DCLK2: variants seen among roughly 807,000 people sequenced by gnomAD.
The protein encoded by DCLK2 is serine/threonine-protein kinase DCLK2.
A neutral mutation model predicts 78.4 loss-of-function variants in DCLK2; 31 were observed. That is an observed-to-expected ratio of 0.40 (90% CI 0.30 to 0.53). The LOEUF is 0.53. Ranked by LOEUF, DCLK2 falls within the 20% of genes least tolerant of loss-of-function variation. DCLK2 has a pLI of 0.61. For synonymous variants in DCLK2, 407 were observed against 374.9 expected (o/e 1.09, Z -0.99); for missense variants, 872 against 973.7 (o/e 0.90, Z 1.39).
At chr4:150,218,722 G>A (rs922596614) in intron 5 of DCLK2, among the ~76,000 whole-genome samples, 1 of 152,156 alleles carries the variant, frequency 6.6e-6, no homozygotes, top group African/African-American at 2.4e-5. Context: ...GTGGGGCTGC[G>A]TTGCCCTGGG....
At chr4:150,216,328 TTTCAAG>T (rs1356457891) in intron 5 of DCLK2, among the ~76,000 whole-genome samples, 2 of 152,212 alleles carry the variant, frequency 1.3e-5, no homozygotes, top group African/African-American at 4.8e-5. Flanking sequence ...TCTGCTCTGT[TTTCAAG>T]TCTTTTTTAA....
At chr4:150,136,979 C>T (rs78964082) in intron 2 of DCLK2, among the ~76,000 whole-genome samples, 67 of 82,404 alleles carry the variant, frequency 8.1e-4, no homozygotes, top group African/African-American at 2.1e-3. Flanking sequence ...TCTTCTTCTT[C>T]TTTTTTTTTT....
At chr4:150,220,420 T>C (rs2126526733) in intron 5 of DCLK2, among the ~76,000 whole-genome samples, 1 of 152,334 alleles carries the variant, frequency 6.6e-6, no homozygotes, top group South Asian at 2.1e-4. Flanking sequence ...CCAGCTATCA[T>C]GCCATAGAGT....
At chr4:150,107,505 T>C (rs1731352058) in intron 2 of DCLK2, among the ~76,000 whole-genome samples, 1 of 151,418 alleles carries the variant, frequency 6.6e-6, no homozygotes, top group Non-Finnish European at 1.5e-5. Flanking sequence ...AGTTCCTGAG[T>C]AGCTGGGACT....
At chr4:150,091,012 T>A (rs28504590) in intron 1 of DCLK2, among the ~76,000 whole-genome samples, 57,582 of 152,068 alleles carry the variant, frequency 0.38, 11,144 homozygotes, top group Non-Finnish European at 0.42. Flanking sequence ...GTGCACTTTG[T>A]GTTAGTCTGC....
At chr4:150,125,890 CAAAA>C (rs1013102160) in intron 2 of DCLK2, among the ~76,000 whole-genome samples, 1 of 148,974 alleles carries the variant, frequency 6.7e-6, no homozygotes, top group African/African-American at 2.5e-5. Flanking sequence ...AATTTTGTCT[CAAAA>C]AAAAACCACA....
At position 150,078,768 on chromosome 4, in the gene DCLK2, C is replaced by G. The variant is rs2150123046; in HGVS notation, c.-260C>G. On this transcript the variant is annotated 5_prime_UTR_variant, in exon 1 of 16. Transcript: ENST00000296550. Reference sequence around the variant, plus strand: ...GAGGCGCTTGCGGGGGCGTGGGGCTCCCCGGCAGGCGGGAGGCACGGAGCA... The same window carrying G: ...GAGGCGCTTGCGGGGGCGTGGGGCTGCCCGGCAGGCGGGAGGCACGGAGCA... The G allele has an allele frequency of 2.9e-6, 1 of 340,114 alleles. No individual in the cohort carries two copies. The highest frequency in any genetic ancestry group is 5.2e-6 in the Non-Finnish European group (1 of 191,182). 21.1% of individuals were successfully genotyped at this position (340,114 alleles called of 1,614,324 possible). A position where few individuals can be genotyped will look rare whatever the true frequency, so the allele number is the denominator to read the frequency against.
At chr4:150,253,667 G>C in intron 15 of DCLK2, 20 of 1,245,112 alleles carry the variant, frequency 1.6e-5, no homozygotes, top group Non-Finnish European at 2.1e-5. Context: ...GCTTACTGGT[G>C]TGGGTCTTTT....
chr4:150,079,806 T>G (rs1037801985), intron 1 of DCLK2, among the ~76,000 whole-genome samples: 1 of 152,228 alleles, frequency 6.6e-6, no homozygotes, highest in Non-Finnish European at 1.5e-5. Context: ...TAATAAGCTC[T>G]GTTGGACCCT....
intron 2 of DCLK2, among the ~76,000 whole-genome samples, chr4:150,112,448 C>G (rs2150168798): frequency 6.6e-6 from 1 of 152,258 alleles, no homozygotes; most frequent in East Asian, 1.9e-4. Flanking sequence ...GCTAGGACTT[C>G]CAGTAACTGT....
intron 15 of DCLK2, among the ~76,000 whole-genome samples, chr4:150,254,096 C>T (rs1326014076): frequency 6.6e-6 from 1 of 152,212 alleles, no homozygotes; most frequent in Admixed American, 6.5e-5. Context: ...GCAGGACGGC[C>T]TCCCATGTAC....
At chr4:150,222,759 G>A (rs1170518815) in intron 7 of DCLK2, among the ~76,000 whole-genome samples, 1 of 151,748 alleles carries the variant, frequency 6.6e-6, no homozygotes, top group African/African-American at 2.4e-5. Flanking sequence ...CCAGCTACTC[G>A]GGAAGCTGAG....
At chr4:150,252,622 G>C (rs1277538574) in intron 15 of DCLK2, among the ~76,000 whole-genome samples, 2 of 152,196 alleles carry the variant, frequency 1.3e-5, no homozygotes, top group Admixed American at 6.5e-5. Flanking sequence ...TATGTCGTGT[G>C]GTTTACAAAT....
intron 7 of DCLK2, 73 bp from the exon 8 acceptor site, chr4:150,224,427 TA>T: frequency 1.4e-6 from 2 of 1,402,308 alleles, no homozygotes; most frequent in Non-Finnish European, 1.9e-6. Context: ...AATTAAAGTA[TA>T]AAAAAGAAAG....
At chr4:150,255,904 A>C in intron 15 of DCLK2, 116 bp from the exon 16 acceptor site, 2 of 1,451,132 alleles carry the variant, frequency 1.4e-6, no homozygotes, top group Non-Finnish European at 1.8e-6. Context: ...GCTTGGCGTT[A>C]TTTCTCCTCT....
chr4:150,202,668 A>T (rs2126446273), intron 4 of DCLK2, among the ~76,000 whole-genome samples: 1 of 152,272 alleles, frequency 6.6e-6, no homozygotes, highest in Middle Eastern at 3.4e-3. Context: ...TCGCTCTCTC[A>T]TCTTTTCTTT....
At chr4:150,180,254 T>G (rs1344476558) in intron 2 of DCLK2, among the ~76,000 whole-genome samples, 1 of 152,210 alleles carries the variant, frequency 6.6e-6, no homozygotes, top group Non-Finnish European at 1.5e-5. Flanking sequence ...AGCCTCTTTT[T>G]GTGTAAAATC....
At chr4:150,140,348 T>C (rs1168496196) in intron 2 of DCLK2, among the ~76,000 whole-genome samples, 2 of 142,888 alleles carry the variant, frequency 1.4e-5, no homozygotes, top group African/African-American at 2.6e-5. Context: ...GAAATAAGTA[T>C]GTAATAGGCC....
At chr4:150,170,623 C>T (rs756787576) in intron 2 of DCLK2, among the ~76,000 whole-genome samples, 5 of 152,182 alleles carry the variant, frequency 3.3e-5, no homozygotes, top group Non-Finnish European at 7.3e-5. Context: ...TAGAACATTA[C>T]AGCTGGGGAA....
Sources: gnomAD v4.1 joint callset for allele counts (sites outside exome capture counted in the v4.1 genomes callset) on GRCh38, gnomAD v4.1.1 for gene constraint, MANE v1.5 for transcripts, NCBI Gene and HGNC (gene_info 2026-07-23, HGNC 2026-07-21) for gene names.